SOD2: variants seen among roughly 807,000 people sequenced by gnomAD.
SOD2 encodes superoxide dismutase [Mn], mitochondrial.
SOD2 carries 11 observed loss-of-function variants against 27.0 expected under a neutral mutation model. That is an observed-to-expected ratio of 0.41 (90% CI 0.26 to 0.67). The LOEUF (loss-of-function observed/expected upper bound fraction) is 0.67, where lower values mean the gene tolerates loss of function less well. SOD2 is among the 30% of genes least tolerant of loss of function. The pLI, the probability that SOD2 is intolerant of heterozygous loss-of-function variation, is 0.34. For missense variants in SOD2, 250 were observed against 274.5 expected (o/e 0.91, Z 0.63); for synonymous variants, 105 against 103.0 (o/e 1.02, Z -0.12).
upstream of SOD2, among the ~76,000 whole-genome samples, chr6:159,732,193 C>G (rs1349825074): frequency 6.6e-6 from 1 of 152,106 alleles, no homozygotes; most frequent in African/African-American, 2.4e-5. Flanking sequence ...TAAATGGACC[C>G]ATGCAGCTAA....
intron 1 of SOD2, among the ~76,000 whole-genome samples, chr6:159,719,997 T>C (rs971341240): frequency 6.6e-5 from 10 of 151,170 alleles, no homozygotes; most frequent in African/African-American, 2.4e-4. Context: ...GTCCTGGGAT[T>C]ACAGGCATGA....
intron 2 of SOD2, chr6:159,692,364 A>G: frequency 7.9e-7 from 1 of 1,267,338 alleles, no homozygotes; most frequent in Non-Finnish European, 1.0e-6. Context: ...AGGCCCTACA[A>G]TTCACCAGTG....
chr6:159,731,190 G>GCA (rs1778547115), upstream of SOD2, among the ~76,000 whole-genome samples: 1 of 151,858 alleles, frequency 6.6e-6, no homozygotes. Context: ...GGCTGGGCAT[G>GCA]GTGGCTCACA....
At chr6:159,755,636 AGT>A in intron 1 of SOD2, 1 of 1,549,040 alleles carries the variant, frequency 6.5e-7, no homozygotes, top group Non-Finnish European at 8.7e-7. Context: ...ATTTTTATAC[AGT>A]GTCATTTAAT....
At chr6:159,746,539 G>A (rs1779587312), upstream of SOD2, among the ~76,000 whole-genome samples, 1 of 152,062 alleles carries the variant, frequency 6.6e-6, no homozygotes. Flanking sequence ...TAATAATAAT[G>A]CTTTATTTCT....
At chr6:159,698,071 G>A (rs558932610), upstream of SOD2, among the ~76,000 whole-genome samples, 2 of 152,292 alleles carry the variant, frequency 1.3e-5, no homozygotes, top group South Asian at 4.1e-4. Context: ...TCAGGAATTG[G>A]AGACCAGCCT....
Sources: gnomAD v4.1 joint callset for allele counts (sites outside exome capture counted in the v4.1 genomes callset) on GRCh38, gnomAD v4.1.1 for gene constraint, MANE v1.5 for transcripts, NCBI Gene and HGNC (gene_info 2026-07-23, HGNC 2026-07-21) for gene names.